Variants in VPS33A observed in about 807,000 individuals in gnomAD.
The protein encoded by VPS33A is vacuolar protein sorting-associated protein 33A.
In VPS33A, 32 loss-of-function variants were observed where a neutral mutation model predicts 71.8. That is an observed-to-expected ratio of 0.45 (90% CI 0.34 to 0.60). VPS33A has a LOEUF of 0.60. Ranked by LOEUF, VPS33A falls within the 20% of genes least tolerant of loss-of-function variation. The pLI is 0.02. For synonymous variants in VPS33A, 311 were observed against 292.7 expected (o/e 1.06, Z -0.64); for missense variants, 625 against 748.5 (o/e 0.84, Z 1.92).
chr12:122,237,870 G>C (rs2136125030), intron 10 of VPS33A, among the ~76,000 whole-genome samples: 1 of 151,714 alleles, frequency 6.6e-6, no homozygotes, highest in South Asian at 2.1e-4. Context: ...GGCTGGTTTT[G>C]GACTCCTGGG....
intron 7 of VPS33A, among the ~76,000 whole-genome samples, chr12:122,243,579 A>G (rs906412223): frequency 1.3e-5 from 2 of 152,220 alleles, no homozygotes; most frequent in African/African-American, 2.4e-5. Context: ...CAAAGCGAAC[A>G]TAGCTTGGTG....
intron 4 of VPS33A, among the ~76,000 whole-genome samples, chr12:122,259,850 T>C (rs1190033295): frequency 6.6e-6 from 1 of 150,556 alleles, no homozygotes; most frequent in Non-Finnish European, 1.5e-5. Context: ...AGACGCTGTC[T>C]CTCCAAAAAA....
Position 122,239,473 on chromosome 12 carries a change from C to T in VPS33A, c.1164+405G>A, listed in dbSNP as rs528760364. Among the ~76,000 whole-genome samples, 24 of 152,292 alleles carry T rather than the reference C, an allele frequency of 1.6e-4. No homozygotes were observed. The South Asian group carries it at 2.7e-3, about 17-fold the overall frequency. ...TTAAGTGGCCGGGCGCAGTGACTCA[C>T]GCCTGTAATCCCAACAGTTTGGGAG... On this transcript the variant is annotated intron_variant, in intron 9 of 12. Coordinates refer to ENST00000267199, the MANE Select transcript of VPS33A (RefSeq NM_022916.6).
rs993056455 is a variant in VPS33A at position 122,235,645 on chromosome 12, C to T, written c.1440+141G>A. ...TTCTAGGATTCTGATGGATACAATA[C>T]ATGCATACATTACTTTTTCAAAAAC... On this transcript the variant is annotated intron_variant, in intron 11 of 12. Coordinates refer to ENST00000267199, the MANE Select transcript of VPS33A (RefSeq NM_022916.6). The T allele has an allele frequency of 1.3e-5, 14 of 1,090,804 alleles. No homozygotes were observed. In the African/African-American group the frequency reaches 1.9e-4, roughly 15 times the overall value. The allele number at this position is 1,090,804 out of a possible 1,614,324, so 67.6% of individuals were successfully genotyped here.
intron 9 of VPS33A, among the ~76,000 whole-genome samples, chr12:122,239,473 C>G (rs528760364): frequency 6.6e-6 from 1 of 152,292 alleles, no homozygotes; most frequent in East Asian, 1.9e-4. Context: ...CAGTGACTCA[C>G]GCCTGTAATC....
At position 122,237,698 on chromosome 12, in the gene VPS33A, C is replaced by T. The variant is rs1053569797; in HGVS notation, c.1302+889G>A. Among the ~76,000 whole-genome samples, 12 of 83,350 alleles carry T rather than the reference C, an allele frequency of 1.4e-4. 1 individual carries two copies. The highest frequency in any genetic ancestry group is 6.5e-4 in the African/African-American group (7 of 10,738). 54.7% of individuals were successfully genotyped at this position (83,350 alleles called of 152,430 possible). A position where few individuals can be genotyped will look rare whatever the true frequency, so the allele number is the denominator to read the frequency against. ...AGCTGGGACTACAGGCGCCCGCCAC[C>T]GCGCCCGGCTAATTTTTTGTATTTT... On this transcript the variant is annotated intron_variant, in intron 10 of 12. Transcript: ENST00000267199.
chr12:122,253,987 C>T (rs1462874068), intron 4 of VPS33A, among the ~76,000 whole-genome samples: 1 of 152,014 alleles, frequency 6.6e-6, no homozygotes, highest in Non-Finnish European at 1.5e-5. Flanking sequence ...GCCCAATACC[C>T]TTAACATTTA....
chr12:122,233,729 T>C (rs1017790598), intron 11 of VPS33A, among the ~76,000 whole-genome samples: 11 of 152,200 alleles, frequency 7.2e-5, no homozygotes, highest in Non-Finnish European at 1.3e-4. Flanking sequence ...TTTCTATCAA[T>C]AGCAATCTGT....
At position 122,266,292 on chromosome 12, in the gene VPS33A, C is replaced by T; in HGVS notation, c.102+15G>A. 6.2e-7 allele frequency: 1 copy of T among 1,607,474 alleles called. No individual in the cohort carries two copies. Among genetic ancestry groups the T allele is most frequent in the Non-Finnish European group, 8.5e-7 (1 of 1,179,156 alleles). On this transcript the variant is annotated intron_variant, in intron 1 of 12. Transcript: ENST00000267199. Reference sequence around the variant, plus strand: ...AGGGGAGGCGAGGGCGGTGTCGCTGCCTCCCGCCCCTCACCTTGCTTCCTG... The same window carrying T: ...AGGGGAGGCGAGGGCGGTGTCGCTGTCTCCCGCCCCTCACCTTGCTTCCTG...
At chr12:122,251,120 T>C (rs1472401412) in intron 4 of VPS33A, 21 bp from the exon 5 acceptor site, 3 of 1,588,178 alleles carry the variant, frequency 1.9e-6, no homozygotes, top group Admixed American at 1.7e-5. Flanking sequence ...AAAGGCCAAT[T>C]ATTGCCAGGC....
At chr12:122,260,541 C>G (rs1739191124) in intron 4 of VPS33A, among the ~76,000 whole-genome samples, 2 of 152,020 alleles carry the variant, frequency 1.3e-5, no homozygotes, top group African/African-American at 4.8e-5. Flanking sequence ...TCAGGTGATC[C>G]ACCCGCCTCA....
At chr12:122,248,255 C>T (rs2136136176) in intron 6 of VPS33A, 3 of 152,474 alleles carry the variant, frequency 2.0e-5, no homozygotes, top group Middle Eastern at 3.4e-3. Flanking sequence ...TCCCTTGGCT[C>T]CCTGTGACTT....
intron 6 of VPS33A, chr12:122,249,219 G>A (rs1954812646): frequency 6.6e-6 from 1 of 152,012 alleles, no homozygotes. Context: ...TTATTTTGAT[G>A]GTTCCAAATA....
Position 122,232,150 on chromosome 12 carries a change from C to T in VPS33A, c.*96G>A. On this transcript the variant is annotated 3_prime_UTR_variant, in exon 13 of 13. Coordinates refer to ENST00000267199, the MANE Select transcript of VPS33A (RefSeq NM_022916.6). ...CTGACCCCAGAATATATTCTGTATT[C>T]CCATGTTTCTTCTATGGGGTTTTAC... 8.5e-7 allele frequency: 1 copy of T among 1,176,938 alleles called. No homozygotes were observed. The allele number at this position is 1,176,938 out of a possible 1,614,324, so 72.9% of individuals were successfully genotyped here.
At position 122,230,923 on chromosome 12, in the gene VPS33A, G is replaced by C. The variant is rs1954552244; in HGVS notation, c.*1323C>G. On this transcript the variant is annotated 3_prime_UTR_variant, in exon 13 of 13. Transcript: ENST00000267199. ...GGCTGCTGGTCTCCAAGATCATCAAGAGATACACCTGGAGAAGGCTGAGGT... is the reference window on the plus strand; with the variant it reads ...GGCTGCTGGTCTCCAAGATCATCAACAGATACACCTGGAGAAGGCTGAGGT... 6.6e-6 allele frequency: 1 copy of C among 152,306 alleles called. No homozygotes were observed. Among genetic ancestry groups the C allele is most frequent in the Admixed American group, 6.5e-5 (1 of 15,290 alleles). 9.4% of individuals were successfully genotyped at this position (152,306 alleles called of 1,614,324 possible).
intron 7 of VPS33A, 46 bp downstream of exon 7, chr12:122,244,522 CT>C (rs1383915406): frequency 6.6e-7 from 1 of 1,508,932 alleles, no homozygotes; most frequent in Non-Finnish European, 9.0e-7. Flanking sequence ...GGGTGGGCAT[CT>C]ACCTGAGGCC....
At chr12:122,250,562 C>T (rs1954829232) in intron 5 of VPS33A, among the ~76,000 whole-genome samples, 1 of 152,210 alleles carries the variant, frequency 6.6e-6, no homozygotes, top group African/African-American at 2.4e-5. Context: ...CCGCCAGGCA[C>T]ACCACAGCCT....
chr12:122,243,751 G>GA (rs529678098), intron 7 of VPS33A, among the ~76,000 whole-genome samples: 23 of 149,816 alleles, frequency 1.5e-4, no homozygotes, highest in East Asian at 5.9e-4. Context: ...CATCTCTACA[G>GA]AAAAAAAAAC....
At chr12:122,262,077 G>A (rs1955002641) in intron 3 of VPS33A, among the ~76,000 whole-genome samples, 1 of 152,104 alleles carries the variant, frequency 6.6e-6, no homozygotes, top group Non-Finnish European at 1.5e-5. Context: ...TGTAATCTCA[G>A]CTACTTGGGA....
Sources: allele counts gnomAD v4.1 joint callset (sites outside exome capture counted in the v4.1 genomes callset), GRCh38; gene constraint gnomAD v4.1.1; transcripts MANE v1.5; gene names NCBI Gene and HGNC (gene_info 2026-07-23, HGNC 2026-07-21).